NDUFAF6: variants seen among roughly 807,000 people sequenced by gnomAD.
The protein encoded by NDUFAF6 is NADH:ubiquinone oxidoreductase complex assembly factor 6.
A neutral mutation model predicts 40.8 loss-of-function variants in NDUFAF6; 45 were observed. That is an observed-to-expected ratio of 1.10 (90% CI 0.87 to 1.42). The LOEUF is 1.42. Ranked by LOEUF, NDUFAF6 falls within the 40% of genes most tolerant of loss-of-function variation. The pLI is 0.00. For missense variants in NDUFAF6, 435 were observed against 418.5 expected (o/e 1.04, Z -0.34); for synonymous variants, 185 against 155.9 (o/e 1.19, Z -1.39).
chr8:94,983,944 TC>T, intron 2 of NDUFAF6: 1 of 152,234 alleles, frequency 6.6e-6, no homozygotes, highest in East Asian at 1.9e-4. Flanking sequence ...TGGTTTCCAC[TC>T]ATGAGCCTCT....
chr8:95,036,454 C>G (rs182666779), intron 3 of NDUFAF6: 2 of 1,289,410 alleles, frequency 1.6e-6, no homozygotes, highest in Non-Finnish European at 2.0e-6. Flanking sequence ...AAGCCAGAAC[C>G]CCCCAACTGG....
At chr8:95,033,629 T>A (rs1829124547) in intron 2 of NDUFAF6, among the ~76,000 whole-genome samples, 1 of 152,118 alleles carries the variant, frequency 6.6e-6, no homozygotes, top group Admixed American at 6.6e-5. Flanking sequence ...ATAAGGAGGC[T>A]TCGAAGGCTG....
downstream of NDUFAF6, among the ~76,000 whole-genome samples, chr8:95,117,572 C>T (rs898677198): frequency 2.6e-5 from 4 of 152,074 alleles, no homozygotes; most frequent in Non-Finnish European, 5.9e-5. Context: ...AAAAAGTGAA[C>T]GCAATGCACA....
At chr8:95,025,643 TTG>T (rs1828023783) in intron 1 of NDUFAF6, among the ~76,000 whole-genome samples, 1 of 152,146 alleles carries the variant, frequency 6.6e-6, no homozygotes, top group African/African-American at 2.4e-5. Flanking sequence ...TCATTTAAGG[TTG>T]TGAGTTATAA....
At chr8:95,008,997 G>A (rs1827118737) in intron 2 of NDUFAF6, among the ~76,000 whole-genome samples, 1 of 151,982 alleles carries the variant, frequency 6.6e-6, no homozygotes, top group South Asian at 2.1e-4. Context: ...TGGAGTTTGA[G>A]ACCAGCCTGA....
intron 9 of NDUFAF6, among the ~76,000 whole-genome samples, chr8:95,064,831 CAAG>C (rs1296755612): frequency 6.6e-6 from 1 of 152,072 alleles, no homozygotes; most frequent in African/African-American, 2.4e-5. Context: ...TCAGAGAAGC[CAAG>C]AAGAATCTAA....
chr8:95,048,452 C>T lies in NDUFAF6; in HGVS notation c.715-5C>T, dbSNP rs1171983560. ...TCCTAATATAATGTATATTTCCCCA[C>T]ACAGCATGGTGTTTCACAAGAGGAC... On this transcript the variant is annotated splice_polypyrimidine_tract_variant and splice_region_variant and intron_variant, in intron 6 of 8. Transcript: ENST00000396124. The T allele has an allele frequency of 5.0e-6, 8 of 1,605,810 alleles. No homozygotes were observed. The highest frequency in any genetic ancestry group is 1.3e-5 in the African/African-American group (1 of 74,860).
intron 2 of NDUFAF6, among the ~76,000 whole-genome samples, chr8:95,086,781 T>G (rs1809060758): frequency 6.6e-6 from 1 of 151,984 alleles, no homozygotes; most frequent in Non-Finnish European, 1.5e-5. Flanking sequence ...TTTTTTGTAT[T>G]TTTAGTAGAG....
rs573643864 is a variant in NDUFAF6, at chr8:94,941,595, C to T, written c.-935-3888C>T. 1.3e-3 allele frequency among the ~76,000 whole-genome samples: 200 copies of T among 152,350 alleles called. 2 individuals carry two copies. In the South Asian group the frequency reaches 0.019, roughly 15 times the overall value. Reference sequence around the variant, plus strand: ...AAAATCTGTAAGCCCAGCAAGCATACTTTGACCTTCTAAACAATTCCTACA... The same window carrying T: ...AAAATCTGTAAGCCCAGCAAGCATATTTTGACCTTCTAAACAATTCCTACA... On this transcript the variant is annotated intron_variant, in intron 1 of 14. Transcript: ENST00000396113.
intron 1 of NDUFAF6, among the ~76,000 whole-genome samples, chr8:94,974,178 T>A (rs1182422886): frequency 1.3e-5 from 2 of 150,232 alleles, no homozygotes; most frequent in African/African-American, 4.9e-5. Context: ...CCATACCATC[T>A]CCTCATCCCT....
upstream of NDUFAF6, among the ~76,000 whole-genome samples, chr8:95,096,285 C>A (rs1809462557): frequency 6.6e-6 from 1 of 152,162 alleles, no homozygotes; most frequent in South Asian, 2.1e-4. Context: ...AGAGACACTG[C>A]AGACAGGACT....
At chr8:94,933,832 T>C (rs1203392314) in intron 1 of NDUFAF6, among the ~76,000 whole-genome samples, 1 of 23,486 alleles carries the variant, frequency 4.3e-5, no homozygotes, top group Non-Finnish European at 1.4e-4. Context: ...CCCAGCACTT[T>C]GTGGGGGGGG....
At chr8:94,983,561 C>A (rs1315375873) in intron 2 of NDUFAF6, among the ~76,000 whole-genome samples, 1 of 152,170 alleles carries the variant, frequency 6.6e-6, no homozygotes, top group Admixed American at 6.5e-5. Context: ...GCCACCACAT[C>A]CAGCCAATTT....
At chr8:95,048,931 T>C (rs1016711952) in intron 7 of NDUFAF6, among the ~76,000 whole-genome samples, 1 of 152,214 alleles carries the variant, frequency 6.6e-6, no homozygotes, top group African/African-American at 2.4e-5. Context: ...TTCAGTTTGC[T>C]TCTCTGATAG....
chr8:94,979,874 C>A (rs541990138), intron 1 of NDUFAF6, among the ~76,000 whole-genome samples: 5 of 152,324 alleles, frequency 3.3e-5, no homozygotes, highest in Admixed American at 3.3e-4. Context: ...GCAGGTGGAT[C>A]ACTTGAGGCC....
chr8:94,984,028 C>T (rs1224827239), intron 2 of NDUFAF6: 1 of 152,210 alleles, frequency 6.6e-6, no homozygotes, highest in Non-Finnish European at 1.5e-5. Flanking sequence ...CCTCACCTTT[C>T]TTACAGGTGC....
At chr8:95,054,802 G>C (rs1237162672) in intron 8 of NDUFAF6, among the ~76,000 whole-genome samples, 1 of 152,174 alleles carries the variant, frequency 6.6e-6, no homozygotes, top group African/African-American at 2.4e-5. Flanking sequence ...CTGAGGTGCT[G>C]CTTCTGTCGT....
intron 2 of NDUFAF6, chr8:94,988,471 G>C (rs971189253): frequency 6.6e-6 from 1 of 151,916 alleles, no homozygotes; most frequent in South Asian, 2.1e-4. Flanking sequence ...GTCTTACAAA[G>C]AACCATTTTT....
In NDUFAF6 at chr8:95,057,810, T is replaced by G; in HGVS notation, c.875T>G (p.Val292Gly). 6.2e-7 allele frequency: 1 copy of G among 1,610,984 alleles called. No individual in the cohort carries two copies. Among genetic ancestry groups the G allele is most frequent in the South Asian group, 1.1e-5 (1 of 90,736 alleles). ...VKAFPAFLQT[V>G]SLEDFLKKIQ... ...TGATCACTATTCTCTTTTTTCCAGG[T>G]TTCTCTAGAGGACTTTCTAAAGAAA... is the stretch of plus-strand genomic sequence containing the variant. Residue 292 changes from valine to glycine, a missense_variant and splice_region_variant, in exon 9 of 9, where the codon GTT becomes GGT. By Grantham distance (109) the Val-to-Gly change is moderately radical. Coordinates refer to ENST00000396124, the MANE Select transcript of NDUFAF6 (RefSeq NM_152416.4).
Sources: allele counts gnomAD v4.1 joint callset (sites outside exome capture counted in the v4.1 genomes callset), GRCh38; gene constraint gnomAD v4.1.1; transcripts MANE v1.5; gene names NCBI Gene and HGNC (gene_info 2026-07-23, HGNC 2026-07-21).